GSR: variants seen among roughly 807,000 people sequenced by gnomAD.
The protein encoded by GSR is glutathione-disulfide reductase.
A neutral mutation model predicts 56.5 loss-of-function variants in GSR; 48 were observed. The ratio of observed to expected loss-of-function variants is 0.85; its 90% CI spans 0.67 to 1.08. GSR has a LOEUF of 1.08. Ranked by LOEUF, GSR falls within the 50% of genes least tolerant of loss-of-function variation. The pLI is 0.00. For synonymous variants in GSR, 264 were observed against 270.8 expected (o/e 0.97, Z 0.25); for missense variants, 694 against 703.3 (o/e 0.99, Z 0.15).
At chr8:30,707,585 A>C (rs546765807) in intron 4 of GSR, among the ~76,000 whole-genome samples, 1 of 152,154 alleles carries the variant, frequency 6.6e-6, no homozygotes, top group Non-Finnish European at 1.5e-5. Flanking sequence ...GCTTGAGCCC[A>C]GGACTTGGAG....
At chr8:30,700,010 G>A (rs1803675224) in intron 6 of GSR, 71 bp downstream of exon 6, 4 of 1,063,068 alleles carry the variant, frequency 3.8e-6, no homozygotes, top group Non-Finnish European at 4.4e-6. Context: ...CTTGGGAGGA[G>A]AAGACGAAGA....
chr8:30,690,901 C>T (rs187131071), intron 8 of GSR, among the ~76,000 whole-genome samples: 11 of 151,876 alleles, frequency 7.2e-5, no homozygotes, highest in African/African-American at 2.7e-4. Flanking sequence ...TCCATGTCTA[C>T]AAAAATTTTT....
intron 5 of GSR, among the ~76,000 whole-genome samples, chr8:30,702,668 C>A (rs1001775365): frequency 3.9e-5 from 6 of 152,016 alleles, no homozygotes; most frequent in African/African-American, 1.4e-4. Context: ...CTTGGCTGGG[C>A]ACGGTGGCCT....
At chr8:30,695,375 A>G (rs1020397400) in intron 7 of GSR, among the ~76,000 whole-genome samples, 2 of 151,950 alleles carry the variant, frequency 1.3e-5, no homozygotes, top group Non-Finnish European at 2.9e-5. Flanking sequence ...AGCTGTGATT[A>G]GTTGCCTGCC....
At chr8:30,691,066 T>A (rs2978290) in intron 8 of GSR, among the ~76,000 whole-genome samples, 3 of 151,312 alleles carry the variant, frequency 2.0e-5, no homozygotes, top group African/African-American at 2.4e-5. Flanking sequence ...AAAATAATTT[T>A]AAAAATGAAA....
At chr8:30,723,084 A>C (rs1253920133) in intron 1 of GSR, among the ~76,000 whole-genome samples, 1 of 152,164 alleles carries the variant, frequency 6.6e-6, no homozygotes, top group Non-Finnish European at 1.5e-5. Flanking sequence ...CTTATCACAG[A>C]ATCAGTACAC....
At chr8:30,701,794 C>CAAAA (rs34877158) in intron 5 of GSR, among the ~76,000 whole-genome samples, 2 of 72,328 alleles carry the variant, frequency 2.8e-5, no homozygotes, top group Admixed American at 2.2e-4. Flanking sequence ...ATCTGTCTCA[C>CAAAA]AAAAAAAAAA....
intron 5 of GSR, among the ~76,000 whole-genome samples, chr8:30,701,476 A>C (rs1219589919): frequency 6.7e-6 from 1 of 148,196 alleles, no homozygotes; most frequent in Non-Finnish European, 1.5e-5. Flanking sequence ...CTGAACAAAC[A>C]AACAAACAAA....
intron 5 of GSR, 22 bp downstream of exon 5, chr8:30,703,071 G>A: frequency 6.2e-7 from 1 of 1,611,650 alleles, no homozygotes; most frequent in Non-Finnish European, 8.5e-7. Flanking sequence ...TGCTGTTAAT[G>A]AGTACCTGTT....
Position 30,689,256 on chromosome 8 carries a change from T to C in GSR, c.946A>G (p.Arg316Gly), listed in dbSNP as rs948670392. ...EVSMVTAVPG[R>G]LPVMTMIPDV... The stretch of plus-strand genomic sequence containing the variant: ...GGAATCATGGTCATGACTGGTAGCC[T>C]ACCGGGAACTGCAGTAACCATGCTG... Residue 316 changes from arginine to glycine, a missense_variant, in exon 9 of 13, where the codon AGG (arginine) becomes GGG (glycine). Transcript: ENST00000221130. 5 of 1,613,794 alleles carry C rather than the reference T, an allele frequency of 3.1e-6. No homozygotes were observed. The Admixed American group carries it at 8.3e-5, about 27-fold the overall frequency.
intron 6 of GSR, among the ~76,000 whole-genome samples, chr8:30,699,076 A>G (rs1317081161): frequency 1.3e-5 from 2 of 152,160 alleles, no homozygotes; most frequent in African/African-American, 2.4e-5. Context: ...GCTTGAGGCC[A>G]GGAATTCTAG....
intron 10 of GSR, among the ~76,000 whole-genome samples, chr8:30,683,710 C>G (rs948539196): frequency 1.3e-5 from 2 of 148,404 alleles, no homozygotes; most frequent in Non-Finnish European, 3.0e-5. Context: ...GCAGTGAGCC[C>G]GTGATCATGC....
intron 5 of GSR, 35 bp downstream of exon 5, chr8:30,703,058 G>T: frequency 6.2e-7 from 1 of 1,606,908 alleles, no homozygotes; most frequent in Non-Finnish European, 8.5e-7. Flanking sequence ...GTAAACTCCT[G>T]ACTGCTGTTA....
intron 10 of GSR, 145 bp downstream of exon 10, chr8:30,683,943 A>T: frequency 1.4e-6 from 1 of 726,378 alleles, no homozygotes; most frequent in Non-Finnish European, 2.5e-6. Context: ...ACCAATATCT[A>T]TTTCAACACA....
rs1263438861 is a variant in GSR at position 30,712,532 on chromosome 8, G to A, written c.307-444C>T. Among the ~76,000 whole-genome samples, 4 of 152,212 alleles carry A rather than the reference G, an allele frequency of 2.6e-5. No individual in the cohort carries two copies. In the East Asian group the frequency reaches 7.7e-4, roughly 29 times the overall value. ...ACGTCTCTACAAAAAAAAGTAGCTGGGTGTGGTGGTGCATGCCTGTGGTCC... is the reference window on the plus strand; with the variant it reads ...ACGTCTCTACAAAAAAAAGTAGCTGAGTGTGGTGGTGCATGCCTGTGGTCC... On this transcript the variant is annotated intron_variant, in intron 1 of 12. Transcript: ENST00000221130.
In GSR at chr8:30,689,215, C is replaced by G. The variant is rs1563529146; in HGVS notation, c.987G>C (p.Leu329=). Residue 329 remains leucine, a synonymous_variant, in exon 9 of 13, where the codon CTG becomes CTC. Coordinates refer to ENST00000221130, the MANE Select transcript of GSR (RefSeq NM_000637.5). ...TCGGGACCCGCCCAATGGCCCAGAG[C>G]AGGCAGTCAACATCTGGAATCATGG... ...VMTMIPDVDC[L]LWAIGRVPNT... The G allele has an allele frequency of 6.2e-7, 1 of 1,613,926 alleles. No homozygotes were observed. Among genetic ancestry groups the G allele is most frequent in the East Asian group, 2.2e-5 (1 of 44,876 alleles).
Position 30,703,113 on chromosome 8 carries a change from G to T in GSR, c.620C>A (p.Pro207His), listed in dbSNP as rs763911260. The T allele has an allele frequency of 2.5e-6, 4 of 1,613,992 alleles. No homozygotes were observed. In the East Asian group the frequency reaches 6.7e-5, roughly 27 times the overall value. Residue 207 changes from proline to histidine, a missense_variant, in exon 5 of 13, where the codon CCT becomes CAT. Physicochemically the swap from Pro to His is moderately conservative, Grantham distance 77. Coordinates refer to ENST00000221130, the MANE Select transcript of GSR (RefSeq NM_000637.5). ...LIATGGMPST[P>H]HESQIPGASL... is the part of the protein sequence containing the mutation. Reference sequence around the variant, plus strand: ...CTCACCGGGGATCTGGCTCTCATGAGGGGTGGAGGGCATACCACCTGTGGC... The same window carrying T: ...CTCACCGGGGATCTGGCTCTCATGATGGGTGGAGGGCATACCACCTGTGGC...
At chr8:30,705,867 A>G (rs1160802585) in intron 4 of GSR, among the ~76,000 whole-genome samples, 1 of 152,230 alleles carries the variant, frequency 6.6e-6, no homozygotes, top group Non-Finnish European at 1.5e-5. Flanking sequence ...TTGAGGATTA[A>G]GGTTGGAAAA....
At chr8:30,685,831 G>A (rs778716656) in intron 9 of GSR, among the ~76,000 whole-genome samples, 1 of 151,596 alleles carries the variant, frequency 6.6e-6, no homozygotes, top group Non-Finnish European at 1.5e-5. Flanking sequence ...CTAAAAATTC[G>A]CCAGGCATGG....
Sources: gnomAD v4.1 joint callset for allele counts (sites outside exome capture counted in the v4.1 genomes callset) on GRCh38, gnomAD v4.1.1 for gene constraint, MANE v1.5 for transcripts, NCBI Gene and HGNC (gene_info 2026-07-23, HGNC 2026-07-21) for gene names.